KIF20B: variants seen among roughly 807,000 people sequenced by gnomAD.
The protein encoded by KIF20B is kinesin-like protein KIF20B.
Under a neutral mutation model 232.5 loss-of-function variants are expected in KIF20B, and 188 were observed. That is an observed-to-expected ratio of 0.81 (90% CI 0.72 to 0.91). The LOEUF (loss-of-function observed/expected upper bound fraction) is 0.91, where lower values mean the gene tolerates loss of function less well. KIF20B is among the 40% of genes least tolerant of loss of function. KIF20B has a pLI of 0.00. For synonymous variants in KIF20B, 712 were observed against 683.0 expected (o/e 1.04, Z -0.66); for missense variants, 2,154 against 2,055.9 (o/e 1.05, Z -0.92).
intron 1 of KIF20B, among the ~76,000 whole-genome samples, chr10:89,702,349 T>C (rs992521521): frequency 6.6e-6 from 1 of 152,208 alleles, no homozygotes; most frequent in African/African-American, 2.4e-5. Flanking sequence ...TTTAGAAGGC[T>C]TTCTCCATCT....
chr10:89,707,574 T>G (rs1407152630), intron 2 of KIF20B, among the ~76,000 whole-genome samples: 2 of 151,546 alleles, frequency 1.3e-5, no homozygotes, highest in African/African-American at 4.8e-5. Flanking sequence ...TCCCTTCCCT[T>G]TTACCTTTCT....
intron 22 of KIF20B, among the ~76,000 whole-genome samples, chr10:89,744,767 TAGTC>T (rs1171648127): frequency 6.6e-6 from 1 of 150,738 alleles, no homozygotes; most frequent in Non-Finnish European, 1.5e-5. Flanking sequence ...AACTAATGAA[TAGTC>T]AGGTATAAAT....
Position 89,774,020 on chromosome 10 carries a change from G to A in KIF20B, c.5435G>A (p.Arg1812Gln), listed in dbSNP as rs1325967536. 1.9e-6 allele frequency: 3 copies of A among 1,590,218 alleles called. No individual in the cohort carries two copies. Among genetic ancestry groups the A allele is most frequent in the Non-Finnish European group, 2.6e-6 (3 of 1,166,912 alleles). ...GAGAGTGATCACCAGATTATCAAAC[G>A]ACGACTTCGAACAAAAACAGCCAAA... ...MKESDHQIIK[R>Q]RLRTKTAK Residue 1812 changes from arginine to glutamine, a missense_variant, in exon 33 of 33, where the codon CGA (arginine) becomes CAA (glutamine). Arg to Gln is a conservative substitution (Grantham distance 43). Transcript: ENST00000371728.
intron 27 of KIF20B, among the ~76,000 whole-genome samples, chr10:89,759,624 A>G (rs1382818700): frequency 6.6e-6 from 1 of 152,162 alleles, no homozygotes; most frequent in Non-Finnish European, 1.5e-5. Flanking sequence ...CTAGGTATCA[A>G]CTGCTGTCGC....
chr10:89,755,419 C>T, intron 26 of KIF20B, among the ~76,000 whole-genome samples: 1 of 123,790 alleles, frequency 8.1e-6, no homozygotes, highest in Non-Finnish European at 1.7e-5. Flanking sequence ...CCTTTCCTTC[C>T]CTCCCCTCCC....
intron 13 of KIF20B, among the ~76,000 whole-genome samples, chr10:89,723,271 G>T (rs958741272): frequency 6.6e-6 from 1 of 152,180 alleles, no homozygotes; most frequent in Non-Finnish European, 1.5e-5. Flanking sequence ...ACATTAAAAA[G>T]AATATGTAGC....
chr10:89,709,283 A>G, intron 3 of KIF20B, 30 bp downstream of exon 3: 1 of 1,590,698 alleles, frequency 6.3e-7, no homozygotes, highest in Non-Finnish European at 8.6e-7. Flanking sequence ...GAATTTTAAT[A>G]TTTTACTTTC....
In KIF20B at chr10:89,751,333, C is replaced by T. The variant is rs953416440; in HGVS notation, c.4097-13C>T. ...GGCTATTAATTTCTAAAATGTTCTC[C>T]CCCGATTTTTAGATCTAAATGTTAA... On this transcript the variant is annotated splice_polypyrimidine_tract_variant and intron_variant, in intron 23 of 32. Coordinates refer to ENST00000371728, the MANE Select transcript of KIF20B (RefSeq NM_001284259.2). The T allele has an allele frequency of 1.4e-5, 22 of 1,580,584 alleles. No homozygotes were observed. Among genetic ancestry groups the T allele is most frequent in the Non-Finnish European group, 1.9e-5 (22 of 1,166,158 alleles).
At chr10:89,723,872 A>G (rs1843119155) in intron 13 of KIF20B, 92 bp from the exon 14 acceptor site, 2 of 1,010,630 alleles carry the variant, frequency 2.0e-6, no homozygotes, top group African/African-American at 3.4e-5. Context: ...CAATTGACTA[A>G]ATGTAAAGTT....
chr10:89,739,067 A>G lies in KIF20B; in HGVS notation c.3886A>G (p.Lys1296Glu), dbSNP rs1250575318. 1.2e-6 allele frequency: 2 copies of G among 1,612,938 alleles called. No homozygotes were observed. The highest frequency in any genetic ancestry group is 1.7e-6 in the Non-Finnish European group (2 of 1,179,446). ...CCTGAAAGAGAAACTGACTGATGCC[A>G]AAAAGCAGATTAAGCAAGTACAGAA... ...ADLKEKLTDA[K>E]KQIKQVQKEV... is the part of the protein sequence containing the mutation. Residue 1296 changes from lysine to glutamate, a missense_variant, in exon 21 of 33, where the codon AAA (lysine) becomes GAA (glutamate). By Grantham distance (56) the Lys-to-Glu change is moderately conservative. Transcript: ENST00000371728.
intron 13 of KIF20B, among the ~76,000 whole-genome samples, chr10:89,720,882 G>C (rs749140602): frequency 1.4e-4 from 22 of 152,018 alleles, no homozygotes; most frequent in Admixed American, 3.3e-4. Context: ...AGTTTTTTTT[G>C]TATCTTTAGT....
chr10:89,738,615 AAAG>A lies in KIF20B; in HGVS notation c.3775_3776+1del, dbSNP rs754139054. 5.2e-6 allele frequency: 8 copies of A among 1,545,330 alleles called. No individual in the cohort carries two copies. The highest frequency in any genetic ancestry group is 6.9e-6 in the Non-Finnish European group (8 of 1,152,700). ...AAGAAACCAACAGGCAAGAAACAGA[AAAG>A]TAAGCTAAATGTTATTCAAAATATT... On this transcript the variant is annotated splice_donor_variant and coding_sequence_variant, in exon 20 of 33. Coordinates refer to ENST00000371728, the MANE Select transcript of KIF20B (RefSeq NM_001284259.2). LOFTEE classifies it high-confidence loss of function.
intron 2 of KIF20B, among the ~76,000 whole-genome samples, chr10:89,706,684 G>T (rs1842730295): frequency 6.6e-6 from 1 of 150,934 alleles, no homozygotes. Flanking sequence ...CTATTGAAAA[G>T]ACTTTCCTTT....
intron 2 of KIF20B, among the ~76,000 whole-genome samples, chr10:89,707,239 G>A (rs1393520029): frequency 6.6e-6 from 1 of 152,092 alleles, no homozygotes; most frequent in Non-Finnish European, 1.5e-5. Context: ...GTTTTGACAT[G>A]TGCATACACT....
At chr10:89,758,178 A>G (rs967791797) in intron 26 of KIF20B, among the ~76,000 whole-genome samples, 4 of 151,990 alleles carry the variant, frequency 2.6e-5, no homozygotes, top group Non-Finnish European at 1.5e-5. Context: ...CTCTAGATCT[A>G]TTTGGAGGAG....
chr10:89,721,699 GT>G (rs1185937752), intron 13 of KIF20B, among the ~76,000 whole-genome samples: 397 of 144,742 alleles, frequency 2.7e-3, no homozygotes, highest in African/African-American at 8.8e-3. Context: ...AAAAAACCCA[GT>G]TTTTTTTTTT....
At position 89,738,437 on chromosome 10, in the gene KIF20B, G is replaced by T; in HGVS notation, c.3596G>T (p.Arg1199Ile). 3.7e-6 allele frequency: 6 copies of T among 1,602,984 alleles called. No homozygotes were observed. Among genetic ancestry groups the T allele is most frequent in the Non-Finnish European group, 5.1e-6 (6 of 1,177,200 alleles). The change falls in exon 20 of 33, where the codon AGA becomes ATA. Residue 1199 changes from arginine to isoleucine, a missense_variant. Physicochemically the swap from Arg to Ile is moderately conservative, Grantham distance 97 (BLOSUM62 -3). Transcript: ENST00000371728. ...GAATCTATCATCTTAAAGCTAGAAA[G>T]AAATTTGAAGGAATTTCAAGAACAT... ...EKESIILKLE[R>I]NLKEFQEHLQ...
intron 1 of KIF20B, 23 bp downstream of exon 1, chr10:89,701,703 T>G (rs971568664): frequency 6.6e-6 from 1 of 152,300 alleles, no homozygotes. Context: ...CCCGCGGGAA[T>G]GTGTGGGGAA....
rs753560039 is a variant in KIF20B, at chr10:89,716,435, G to T, written c.941-1G>T. On this transcript the variant is annotated splice_acceptor_variant, in intron 8 of 32. Coordinates refer to ENST00000371728, the MANE Select transcript of KIF20B (RefSeq NM_001284259.2). LOFTEE classifies it high-confidence loss of function. ...ATATATATCCTCTTTATTTTTTAAA[G>T]ATCTACAATGGATTCAAGTATCTGA... The T allele has an allele frequency of 1.5e-6, 2 of 1,290,944 alleles. No individual in the cohort carries two copies. The highest frequency in any genetic ancestry group is 2.2e-6 in the Non-Finnish European group (2 of 911,170). 80.0% of individuals were successfully genotyped at this position (1,290,944 alleles called of 1,614,324 possible). A position where few individuals can be genotyped will look rare whatever the true frequency, so the allele number is the denominator to read the frequency against.
Sources: allele counts gnomAD v4.1 joint callset (sites outside exome capture counted in the v4.1 genomes callset), GRCh38; gene constraint gnomAD v4.1.1; transcripts MANE v1.5; gene names NCBI Gene and HGNC (gene_info 2026-07-23, HGNC 2026-07-21).